Variants in TMEM181 observed in about 807,000 individuals in gnomAD.
TMEM181 encodes G protein-coupled receptor 178.
Under a neutral mutation model 71.9 loss-of-function variants are expected in TMEM181, and 39 were observed. The ratio of observed to expected loss-of-function variants is 0.54; its 90% CI spans 0.42 to 0.71. TMEM181 has a LOEUF of 0.71. Among genes scored for constraint, TMEM181 ranks in the 30% least tolerant of loss-of-function variants. The pLI is 0.00. For missense variants in TMEM181, 595 were observed against 583.0 expected (o/e 1.02, Z -0.21); for synonymous variants, 245 against 228.8 (o/e 1.07, Z -0.64).
chr6:158,562,488 G>A (rs556055511), intron 1 of TMEM181, among the ~76,000 whole-genome samples: 8 of 145,242 alleles, frequency 5.5e-5, no homozygotes, highest in Admixed American at 1.4e-4. Flanking sequence ...TGCTTGGCAC[G>A]TGAAGCCATT....
chr6:158,580,024 T>C (rs1783384727), intron 2 of TMEM181, among the ~76,000 whole-genome samples: 1 of 152,046 alleles, frequency 6.6e-6, no homozygotes, highest in Non-Finnish European at 1.5e-5. Context: ...ACCACTGAAC[T>C]GTATGCTTAA....
intron 6 of TMEM181, among the ~76,000 whole-genome samples, 177 bp downstream of exon 6, chr6:158,589,959 T>C (rs1259353476): frequency 1.3e-5 from 2 of 152,208 alleles, no homozygotes; most frequent in African/African-American, 4.8e-5. Context: ...GAACTAAGAA[T>C]AGCTTAAATA....
Position 158,631,803 on chromosome 6 carries a change from C to G in TMEM181, c.1350-7C>G. 6.3e-7 allele frequency: 1 copy of G among 1,592,832 alleles called. No individual in the cohort carries two copies. Among genetic ancestry groups the G allele is most frequent in the Non-Finnish European group, 8.6e-7 (1 of 1,169,026 alleles). ...TTAGACGGTCTCAAAGGTCTCTTTGCTCACAGGAGTGACTATGAGGAAATG... is the reference window on the plus strand; with the variant it reads ...TTAGACGGTCTCAAAGGTCTCTTTGGTCACAGGAGTGACTATGAGGAAATG... On this transcript the variant is annotated splice_region_variant and splice_polypyrimidine_tract_variant and intron_variant, in intron 16 of 16. Coordinates refer to ENST00000684151, the MANE Select transcript of TMEM181 (RefSeq NM_001376852.1).
upstream of TMEM181, among the ~76,000 whole-genome samples, chr6:158,559,533 A>G (rs1782031004): frequency 6.6e-6 from 1 of 152,338 alleles, no homozygotes; most frequent in Middle Eastern, 3.4e-3. Context: ...AATGGGGAAC[A>G]CTGAGCCAAG....
intron 13 of TMEM181, among the ~76,000 whole-genome samples, chr6:158,627,467 A>C (rs771208062): frequency 6.6e-6 from 1 of 152,216 alleles, no homozygotes; most frequent in Admixed American, 6.5e-5. Flanking sequence ...CAGACGAAAC[A>C]AGGAGATGTG....
At chr6:158,581,088 C>G (rs889717458) in intron 3 of TMEM181, 93 bp downstream of exon 3, 3 of 1,195,220 alleles carry the variant, frequency 2.5e-6, no homozygotes, top group Non-Finnish European at 3.6e-6. Flanking sequence ...TTTAAGGTAG[C>G]CTTCCCTTGC....
upstream of TMEM181, among the ~76,000 whole-genome samples, chr6:158,558,936 T>C (rs1419596414): frequency 6.6e-6 from 1 of 152,176 alleles, no homozygotes; most frequent in African/African-American, 2.4e-5. Flanking sequence ...TGTTCTCCGG[T>C]CTTGTTGCTA....
intron 2 of TMEM181, 73 bp from the exon 3 acceptor site, chr6:158,580,867 T>G (rs1235737681): frequency 7.0e-7 from 1 of 1,433,174 alleles, no homozygotes; most frequent in East Asian, 2.3e-5. Flanking sequence ...GAGTCTTTCT[T>G]GGAATTTGGA....
At chr6:158,555,138 T>TG (rs1443927210), upstream of TMEM181, among the ~76,000 whole-genome samples, 9 of 152,234 alleles carry the variant, frequency 5.9e-5, no homozygotes, top group Admixed American at 5.9e-4. Context: ...GCTTGGTTAA[T>TG]GTGAACAGGG....
Position 158,582,614 on chromosome 6 carries a change from A to G in TMEM181, c.169-1340A>G, listed in dbSNP as rs369163755. 2.6e-5 allele frequency among the ~76,000 whole-genome samples: 4 copies of G among 152,076 alleles called. No individual in the cohort carries two copies. In the Middle Eastern group the frequency reaches 0.01, roughly 388 times the overall value. On this transcript the variant is annotated intron_variant, in intron 3 of 16. Coordinates refer to ENST00000684151, the MANE Select transcript of TMEM181 (RefSeq NM_001376852.1). Reference sequence around the variant, plus strand: ...TGAGAGGTTGATGCTGCGGTAAGCCATGATTGCACCACTACACTCCAGCCC... The same window carrying G: ...TGAGAGGTTGATGCTGCGGTAAGCCGTGATTGCACCACTACACTCCAGCCC...
At chr6:158,579,665 G>C (rs1414600980) in intron 2 of TMEM181, among the ~76,000 whole-genome samples, 1 of 152,120 alleles carries the variant, frequency 6.6e-6, no homozygotes, top group Non-Finnish European at 1.5e-5. Flanking sequence ...GTTGCAGTGA[G>C]CCGAGATCCT....
At chr6:158,578,415 T>C (rs1001840661) in intron 2 of TMEM181, among the ~76,000 whole-genome samples, 3 of 152,250 alleles carry the variant, frequency 2.0e-5, no homozygotes, top group African/African-American at 7.2e-5. Flanking sequence ...AGCCAACTAT[T>C]ACTGTAAAAT....
intron 1 of TMEM181, among the ~76,000 whole-genome samples, chr6:158,549,493 AGAAAG>A (rs1446699732): frequency 6.6e-6 from 1 of 152,214 alleles, no homozygotes; most frequent in Admixed American, 6.5e-5. Context: ...TTGGAAATGA[AGAAAG>A]GAGAGAATGC....
chr6:158,625,670 C>G, intron 12 of TMEM181, 33 bp from the exon 13 acceptor site: 1 of 1,571,542 alleles, frequency 6.4e-7, no homozygotes, highest in Non-Finnish European at 8.6e-7. Flanking sequence ...GAATTTACTT[C>G]CAGAGTTGTT....
chr6:158,544,465 C>G (rs1781460143), intron 1 of TMEM181, among the ~76,000 whole-genome samples: 2 of 151,938 alleles, frequency 1.3e-5, no homozygotes, highest in Non-Finnish European at 2.9e-5. Flanking sequence ...GATGAGCCGT[C>G]TGCTGGGGTA....
rs1405555596 is a variant in TMEM181, at chr6:158,633,807, T to C, written c.*1919T>C. The C allele has an allele frequency of 6.6e-6, 1 of 152,236 alleles. No homozygotes were observed. Among genetic ancestry groups the C allele is most frequent in the Non-Finnish European group, 1.5e-5 (1 of 68,038 alleles). The allele number at this position is 152,236 out of a possible 1,614,324, so 9.4% of individuals were successfully genotyped here. A position where few individuals can be genotyped will look rare whatever the true frequency, so the allele number is the denominator to read the frequency against. On this transcript the variant is annotated 3_prime_UTR_variant, in exon 17 of 17. Coordinates refer to ENST00000684151, the MANE Select transcript of TMEM181 (RefSeq NM_001376852.1). ...ATTTTTAAATTTGCAATGATGTTTTTTTTATTCTGTGTATTGAAAAAAATT... is the reference window on the plus strand; with the variant it reads ...ATTTTTAAATTTGCAATGATGTTTTCTTTATTCTGTGTATTGAAAAAAATT...
intron 1 of TMEM181, among the ~76,000 whole-genome samples, chr6:158,543,124 C>G (rs1178315599): frequency 2.0e-5 from 3 of 152,036 alleles, no homozygotes; most frequent in African/African-American, 7.3e-5. Flanking sequence ...GTCTGCTTGC[C>G]TCAGCCTCCC....
chr6:158,607,313 G>A lies in TMEM181; in HGVS notation c.643G>A (p.Val215Ile). The change falls in exon 8 of 17, where the codon GTT (valine) becomes ATT (isoleucine). Residue 215 changes from valine to isoleucine, a missense_variant. Physicochemically the swap from Val to Ile is conservative, Grantham distance 29 (BLOSUM62 3). Transcript: ENST00000684151. ...GGGCATCGAGCAGAAGTGGATGTCTGTTCTCCTGCCTCTGCTGCTACTTTA... is the reference window on the plus strand; with the variant it reads ...GGGCATCGAGCAGAAGTGGATGTCTATTCTCCTGCCTCTGCTGCTACTTTA... ...DWGIEQKWMS[V>I]LLPLLLLYND... 1 of 1,614,198 alleles carries A rather than the reference G, an allele frequency of 6.2e-7. No homozygotes were observed. The highest frequency in any genetic ancestry group is 8.5e-7 in the Non-Finnish European group (1 of 1,180,020).
rs1785868598 is a variant in TMEM181 at position 158,620,029 on chromosome 6, C to T, written c.897-3521C>T. Among the ~76,000 whole-genome samples, 2 of 152,122 alleles carry T rather than the reference C, an allele frequency of 1.3e-5. No individual in the cohort carries two copies. The highest frequency in any genetic ancestry group is 4.1e-4 in the South Asian group (2 of 4,832). ...AATCTGAAAGTTAAAGGGTGCTGTT[C>T]TCAGGCAATTGGCTGTTATTATCTT... On this transcript the variant is annotated intron_variant, in intron 10 of 16. Transcript: ENST00000684151. This position sits in a 1 kb window ranked among gnomAD's most constrained non-coding sequence, Gnocchi z 4.5.
Sources: allele counts gnomAD v4.1 joint callset (sites outside exome capture counted in the v4.1 genomes callset), GRCh38; gene constraint gnomAD v4.1.1; non-coding constraint Gnocchi (gnomAD v3.1); transcripts MANE v1.5; gene names NCBI Gene and HGNC (gene_info 2026-07-23, HGNC 2026-07-21).